The following PICALM variants were observed in gnomAD, a reference collection of about 807,000 sequenced individuals.
PICALM encodes the protein phosphatidylinositol binding clathrin assembly protein.
Under a neutral mutation model 80.5 loss-of-function variants are expected in PICALM, and 40 were observed. The observed-to-expected ratio is 0.50, with a 90% CI of 0.39 to 0.65. PICALM has a LOEUF of 0.65. Ranked by LOEUF, PICALM falls within the 30% of genes least tolerant of loss-of-function variation. The probability of loss-of-function intolerance (pLI) is 0.00; values close to 1 mark genes in which losing one functional copy is unlikely to be tolerated. For synonymous variants in PICALM, 288 were observed against 260.3 expected (o/e 1.11, Z -1.02); for missense variants, 676 against 778.9 (o/e 0.87, Z 1.57).
chr11:86,064,724 T>A (rs1254279984), intron 1 of PICALM, among the ~76,000 whole-genome samples: 1 of 146,628 alleles, frequency 6.8e-6, no homozygotes, highest in Non-Finnish European at 1.5e-5. Flanking sequence ...TATGTCAAAA[T>A]ATAAATGTCC....
chr11:86,059,376 T>A (rs113568711), intron 1 of PICALM, among the ~76,000 whole-genome samples: 1 of 152,150 alleles, frequency 6.6e-6, no homozygotes, highest in African/African-American at 2.4e-5. Context: ...GCCACTACAG[T>A]TTAACAATAT....
At chr11:86,068,514 G>A (rs1320009433) in intron 1 of PICALM, 137 bp downstream of exon 1, 3 of 755,520 alleles carry the variant, frequency 4.0e-6, no homozygotes, top group African/African-American at 1.8e-5. Flanking sequence ...CAGCTCAACG[G>A]GCACAGGACC....
Position 86,011,154 on chromosome 11 carries a change from A to G in PICALM, c.659-18T>C. ...ATATTTTTCTGACAAAATAAATGTA[A>G]AAATTCTTTTGTTCACATCAAAATA... On this transcript the variant is annotated intron_variant, in intron 6 of 19. Transcript: ENST00000393346. 8.9e-7 allele frequency: 1 copy of G among 1,124,852 alleles called. No individual in the cohort carries two copies. The highest frequency in any genetic ancestry group is 1.3e-6 in the Non-Finnish European group (1 of 763,914). 69.7% of individuals were successfully genotyped at this position (1,124,852 alleles called of 1,614,324 possible). A position where few individuals can be genotyped will look rare whatever the true frequency, so the allele number is the denominator to read the frequency against.
chr11:85,988,539 A>C (rs750812373), intron 13 of PICALM, among the ~76,000 whole-genome samples: 1 of 152,196 alleles, frequency 6.6e-6, no homozygotes, highest in Non-Finnish European at 1.5e-5. Flanking sequence ...GGACAAACTT[A>C]AGTGACACAA....
At chr11:85,995,149 C>A (rs1395798408) in intron 12 of PICALM, among the ~76,000 whole-genome samples, 1 of 152,096 alleles carries the variant, frequency 6.6e-6, no homozygotes, top group Non-Finnish European at 1.5e-5. Flanking sequence ...AAGTACTCTT[C>A]AGTATCATGC....
intron 1 of PICALM, among the ~76,000 whole-genome samples, chr11:86,042,749 G>A (rs1229886319): frequency 1.3e-5 from 2 of 151,714 alleles, no homozygotes; most frequent in African/African-American, 4.8e-5. Flanking sequence ...AATACATTGA[G>A]AATACTACTT....
In PICALM at chr11:86,011,859, T is replaced by G. The variant is rs551776367; in HGVS notation, c.658+422A>C. ...AACTTACTATCCTTTTTGTTTTTTT[T>G]TTTTTTTTGAAACTGAGTTTCGCTC... is the stretch of plus-strand genomic sequence containing the variant. On this transcript the variant is annotated intron_variant, in intron 6 of 19. Transcript: ENST00000393346. Among the ~76,000 whole-genome samples, 180 of 151,602 alleles carry G rather than the reference T, an allele frequency of 1.2e-3. 1 individual carries two copies. Among genetic ancestry groups the G allele is most frequent in the Admixed American group, 1.8e-3 (28 of 15,222 alleles).
At chr11:85,968,462 A>C (rs1456551972) in intron 19 of PICALM, among the ~76,000 whole-genome samples, 1 of 152,234 alleles carries the variant, frequency 6.6e-6, no homozygotes, top group Non-Finnish European at 1.5e-5. Context: ...TGACAACAAC[A>C]ACCCTTGTCA....
intron 19 of PICALM, among the ~76,000 whole-genome samples, chr11:85,969,182 T>C (rs988914502): frequency 6.6e-6 from 1 of 152,104 alleles, no homozygotes; most frequent in Non-Finnish European, 1.5e-5. Context: ...CTAGATAAAA[T>C]GTAAGACACA....
chr11:85,983,796 C>T (rs1381422328), intron 14 of PICALM, 70 bp downstream of exon 14: 1 of 649,836 alleles, frequency 1.5e-6, no homozygotes, highest in Non-Finnish European at 2.6e-6. Context: ...TTAAAAGCAG[C>T]ATTATTTTTC....
intron 17 of PICALM, among the ~76,000 whole-genome samples, chr11:85,980,640 C>T (rs562002970): frequency 2.6e-5 from 4 of 151,848 alleles, no homozygotes; most frequent in Admixed American, 2.0e-4. Flanking sequence ...AGTTTCTTTA[C>T]CAATAATGAA....
chr11:85,965,070 T>C (rs2093830205), intron 19 of PICALM, among the ~76,000 whole-genome samples: 1 of 152,232 alleles, frequency 6.6e-6, no homozygotes, highest in African/African-American at 2.4e-5. Context: ...GTTTGTTCCC[T>C]ACAAAACTCT....
chr11:85,981,638 T>C, intron 16 of PICALM, 107 bp downstream of exon 16: 1 of 765,056 alleles, frequency 1.3e-6, no homozygotes, highest in East Asian at 2.6e-5. Flanking sequence ...AGACTTGATA[T>C]CTCTACACAT....
At position 85,992,208 on chromosome 11, in the gene PICALM, GCTT is replaced by G. The variant is rs369676983; in HGVS notation, c.1259-1812_1259-1810del. ...AATATATATACTGATGGCCACTCTAGCTTCTTCTTGCATAAGAAAGGAGTTGCA... is the reference window on the plus strand; with the variant it reads ...AATATATATACTGATGGCCACTCTAGCTTCTTGCATAAGAAAGGAGTTGCA... On this transcript the variant is annotated intron_variant, in intron 12 of 19. Transcript: ENST00000393346. 1.7e-3 allele frequency among the ~76,000 whole-genome samples: 251 copies of G among 151,500 alleles called. 1 individual carries two copies. Among genetic ancestry groups the G allele is most frequent in the African/African-American group, 5.8e-3 (238 of 41,322 alleles).
rs1050660394 is a variant in PICALM at position 86,023,646 on chromosome 11, T to C, written c.350-1177A>G. Reference sequence around the variant, plus strand: ...CGCTAATAAGACACAAAAAACCTACTTGGATATATGCATAAACTCTGCCTA... The same window carrying C: ...CGCTAATAAGACACAAAAAACCTACCTGGATATATGCATAAACTCTGCCTA... On this transcript the variant is annotated intron_variant, in intron 3 of 19. Transcript: ENST00000393346. The C allele has an allele frequency of 8.7e-6, 7 of 800,488 alleles. No homozygotes were observed. The African/African-American group carries it at 1.1e-4, about 13-fold the overall frequency. The allele number at this position is 800,488 out of a possible 1,614,324, so 49.6% of individuals were successfully genotyped here.
intron 9 of PICALM, among the ~76,000 whole-genome samples, chr11:86,002,983 G>A (rs969797093): frequency 1.3e-5 from 2 of 152,022 alleles, no homozygotes; most frequent in Non-Finnish European, 2.9e-5. Context: ...CTGCACTCCA[G>A]CCTGGGCAAT....
intron 1 of PICALM, among the ~76,000 whole-genome samples, chr11:86,047,168 A>AC (rs1263451706): frequency 6.6e-6 from 1 of 151,884 alleles, no homozygotes; most frequent in African/African-American, 2.4e-5. Flanking sequence ...CACACACTCT[A>AC]CCCCCATTTC....
At chr11:86,049,266 A>G (rs912292462) in intron 1 of PICALM, among the ~76,000 whole-genome samples, 4 of 152,298 alleles carry the variant, frequency 2.6e-5, no homozygotes, top group African/African-American at 9.6e-5. Flanking sequence ...CTGGGTGACA[A>G]AGCAAGACTG....
chr11:85,964,927 C>G (rs1029407284), intron 19 of PICALM, among the ~76,000 whole-genome samples: 1 of 152,208 alleles, frequency 6.6e-6, no homozygotes, highest in African/African-American at 2.4e-5. Context: ...ATTATTACAA[C>G]TGTCCTATTT....
Sources: allele counts gnomAD v4.1 joint callset (sites outside exome capture counted in the v4.1 genomes callset), GRCh38; gene constraint gnomAD v4.1.1; transcripts MANE v1.5; gene names NCBI Gene and HGNC (gene_info 2026-07-23, HGNC 2026-07-21).